Variants in SLC41A3 observed in about 807,000 individuals in gnomAD.
SLC41A3 encodes the protein solute carrier family 41 member 3.
A neutral mutation model predicts 45.4 loss-of-function variants in SLC41A3; 44 were observed. That is an observed-to-expected ratio of 0.97 (90% CI 0.76 to 1.25). SLC41A3 has a LOEUF of 1.25. Ranked by LOEUF, SLC41A3 falls within the 50% of genes most tolerant of loss-of-function variation. The probability of loss-of-function intolerance (pLI) is 0.00; values close to 1 mark genes in which losing one functional copy is unlikely to be tolerated. For missense variants in SLC41A3, 550 were observed against 600.6 expected, an observed-to-expected ratio of 0.92 and a Z score of 0.88; for synonymous variants, 256 against 252.4, an observed-to-expected ratio of 1.01 and a Z score of -0.13.
chr3:126,013,158 G>C (rs1343720132), intron 8 of SLC41A3, among the ~76,000 whole-genome samples: 1 of 152,116 alleles, frequency 6.6e-6, no homozygotes, highest in Non-Finnish European at 1.5e-5. Flanking sequence ...AAGGCCACAG[G>C]CATTGACAGG....
intron 3 of SLC41A3, among the ~76,000 whole-genome samples, chr3:126,035,267 T>C (rs888258694): frequency 6.6e-6 from 1 of 152,308 alleles, no homozygotes; most frequent in Admixed American, 6.5e-5. Flanking sequence ...GTCATCCCTG[T>C]GGATGCTGAA....
intron 4 of SLC41A3, among the ~76,000 whole-genome samples, chr3:126,033,112 G>A (rs1294500411): frequency 6.6e-6 from 1 of 152,182 alleles, no homozygotes; most frequent in Non-Finnish European, 1.5e-5. Context: ...CAGCTAAGGG[G>A]TTAAGATGTC....
chr3:126,030,949 A>C (rs892890366), intron 4 of SLC41A3, among the ~76,000 whole-genome samples: 36 of 152,348 alleles, frequency 2.4e-4, no homozygotes, highest in African/African-American at 8.2e-4. Context: ...GCATTTTCTC[A>C]AAAGAAACAT....
intron 4 of SLC41A3, among the ~76,000 whole-genome samples, chr3:126,027,177 C>T (rs886925074): frequency 4.6e-5 from 7 of 152,256 alleles, no homozygotes; most frequent in East Asian, 1.9e-4. Context: ...TTATAATCCC[C>T]GATGTTGGAG....
At chr3:126,030,436 T>C (rs1252090732) in intron 4 of SLC41A3, among the ~76,000 whole-genome samples, 1 of 152,102 alleles carries the variant, frequency 6.6e-6, no homozygotes, top group Non-Finnish European at 1.5e-5. Flanking sequence ...AAAGATCAAC[T>C]TCTCTAGTAG....
At chr3:126,074,978 A>G (rs1011455243) in intron 1 of SLC41A3, among the ~76,000 whole-genome samples, 1 of 151,836 alleles carries the variant, frequency 6.6e-6, no homozygotes, top group African/African-American at 2.4e-5. Flanking sequence ...ATGCTTGGCT[A>G]GTATTTTATT....
chr3:126,097,098 C>T (rs1444666495), intron 1 of SLC41A3, among the ~76,000 whole-genome samples: 1 of 152,196 alleles, frequency 6.6e-6, no homozygotes, highest in African/African-American at 2.4e-5. Context: ...GACCATGATC[C>T]TAGGACTTTT....
At chr3:126,028,024 A>T (rs1208036311) in intron 4 of SLC41A3, among the ~76,000 whole-genome samples, 1 of 152,198 alleles carries the variant, frequency 6.6e-6, no homozygotes, top group Non-Finnish European at 1.5e-5. Context: ...GCAAAACTGG[A>T]ACTTATATTT....
chr3:126,011,342 G>C (rs1369346867), intron 9 of SLC41A3, among the ~76,000 whole-genome samples: 6 of 152,206 alleles, frequency 3.9e-5, no homozygotes, highest in Non-Finnish European at 7.3e-5. Flanking sequence ...TAGCAGAATG[G>C]AGAGGGCAGG....
At chr3:126,088,458 C>T (rs191774360), upstream of SLC41A3, among the ~76,000 whole-genome samples, 18 of 152,068 alleles carry the variant, frequency 1.2e-4, no homozygotes, top group Admixed American at 3.9e-4. Flanking sequence ...TTTTGAATTA[C>T]TAAAAGTTAA....
intron 3 of SLC41A3, among the ~76,000 whole-genome samples, chr3:126,049,365 T>A (rs1204848527): frequency 6.6e-6 from 1 of 152,096 alleles, no homozygotes; most frequent in Admixed American, 6.5e-5. Context: ...CACACACCTG[T>A]AATCCCAGCT....
chr3:126,029,034 A>C lies in SLC41A3; in HGVS notation c.454-2555T>G, dbSNP rs139708205. ...CTTGTTTTTGATATTATAGGCTCAT[A>C]GTTAGAAGGCACTTGCCTTGTCTCA... On this transcript the variant is annotated intron_variant, in intron 4 of 10. Transcript: ENST00000360370. Among the ~76,000 whole-genome samples the C allele has an allele frequency of 9.5e-4, 145 of 152,332 alleles. 1 individual carries two copies. Among genetic ancestry groups the C allele is most frequent in the African/African-American group, 3.4e-3 (142 of 41,574 alleles).
At chr3:126,030,897 G>A (rs1941750104) in intron 4 of SLC41A3, among the ~76,000 whole-genome samples, 1 of 152,152 alleles carries the variant, frequency 6.6e-6, no homozygotes, top group Admixed American at 6.5e-5. Context: ...GGAATTTAGG[G>A]GGAAACTTTG....
intron 2 of SLC41A3, among the ~76,000 whole-genome samples, chr3:126,059,700 A>G (rs1275220717): frequency 6.6e-6 from 1 of 152,314 alleles, no homozygotes; most frequent in African/African-American, 2.4e-5. Context: ...TTGTTCAAAC[A>G]GGAGATTGAA....
chr3:126,097,834 G>C (rs1378574957), intron 1 of SLC41A3, among the ~76,000 whole-genome samples: 1 of 152,160 alleles, frequency 6.6e-6, no homozygotes, highest in Non-Finnish European at 1.5e-5. Flanking sequence ...AAGCTCCAAA[G>C]GGCAGTCACC....
At chr3:126,091,409 C>G (rs1033819684) in intron 1 of SLC41A3, among the ~76,000 whole-genome samples, 1 of 151,838 alleles carries the variant, frequency 6.6e-6, no homozygotes, top group Non-Finnish European at 1.5e-5. Context: ...AAAGGAGAGA[C>G]AACTGGAAGT....
At chr3:126,071,091 A>G (rs1364319850) in intron 1 of SLC41A3, among the ~76,000 whole-genome samples, 1 of 152,210 alleles carries the variant, frequency 6.6e-6, no homozygotes, top group Non-Finnish European at 1.5e-5. Context: ...GGAAACAGGG[A>G]AAAAAGACAT....
chr3:126,085,822 T>TG (rs34930232), upstream of SLC41A3, among the ~76,000 whole-genome samples: 307 of 150,206 alleles, frequency 2.0e-3, 1 homozygote, highest in African/African-American at 6.8e-3. Flanking sequence ...TGGGAGTGTC[T>TG]GGGGGGGGGT....
chr3:126,060,471 C>CAGTG (rs1944005057), intron 2 of SLC41A3, among the ~76,000 whole-genome samples: 1 of 152,172 alleles, frequency 6.6e-6, no homozygotes, highest in Non-Finnish European at 1.5e-5. Flanking sequence ...CGTGCATGCA[C>CAGTG]AGTGAAACGT....
Sources: allele counts gnomAD v4.1 joint callset (sites outside exome capture counted in the v4.1 genomes callset), GRCh38; gene constraint gnomAD v4.1.1; transcripts MANE v1.5; gene names NCBI Gene and HGNC (gene_info 2026-07-23, HGNC 2026-07-21).